The following DOCK9 variants were observed in gnomAD, a reference collection of about 807,000 sequenced individuals.
The protein encoded by DOCK9 is dedicator of cytokinesis 9.
A neutral mutation model predicts 263.3 loss-of-function variants in DOCK9; 89 were observed. That is an observed-to-expected ratio of 0.34 (90% CI 0.28 to 0.40). The LOEUF is 0.40. Ranked by LOEUF, DOCK9 falls within the 10% of genes least tolerant of loss-of-function variation. The pLI, the probability that DOCK9 is intolerant of heterozygous loss-of-function variation, is 1.00. For missense variants in DOCK9, 2,140 were observed against 2,603.4 expected (o/e 0.82, Z 3.87); for synonymous variants, 976 against 973.1 (o/e 1.00, Z -0.06).
intron 1 of DOCK9, among the ~76,000 whole-genome samples, chr13:99,027,969 G>A (rs1886946018): frequency 6.6e-6 from 1 of 152,206 alleles, no homozygotes. Context: ...ATGGAGTTCT[G>A]TCTCACACAA....
chr13:98,830,946 A>T (rs1012498538), intron 41 of DOCK9, among the ~76,000 whole-genome samples: 1 of 152,274 alleles, frequency 6.6e-6, no homozygotes, highest in African/African-American at 2.4e-5. Flanking sequence ...CTCTCAGAGC[A>T]GAGAATTTAG....
intron 1 of DOCK9, among the ~76,000 whole-genome samples, chr13:99,046,765 T>A (rs1191664733): frequency 6.6e-6 from 1 of 152,258 alleles, no homozygotes; most frequent in Non-Finnish European, 1.5e-5. Context: ...ATCTATCACT[T>A]ACTTTACTTT....
intron 2 of DOCK9, among the ~76,000 whole-genome samples, chr13:98,930,940 A>G (rs1419692949): frequency 6.6e-6 from 1 of 152,200 alleles, no homozygotes; most frequent in South Asian, 2.1e-4. Flanking sequence ...CACCATGCCC[A>G]GCCATTTTGA....
intron 43 of DOCK9, among the ~76,000 whole-genome samples, chr13:98,827,197 C>G (rs2092577290): frequency 6.6e-6 from 1 of 152,176 alleles, no homozygotes; most frequent in Non-Finnish European, 1.5e-5. Context: ...CCTAATACTT[C>G]TGCATCATTT....
At chr13:99,074,530 G>A (rs993568523) in intron 1 of DOCK9, among the ~76,000 whole-genome samples, 17 of 152,116 alleles carry the variant, frequency 1.1e-4, no homozygotes, top group African/African-American at 1.9e-4. Context: ...ACTTCGGGTC[G>A]CCCCACTCCG....
At position 98,925,830 on chromosome 13, in the gene DOCK9, T is replaced by G; in HGVS notation, c.416+7A>C. 1.3e-6 allele frequency: 2 copies of G among 1,549,852 alleles called. No homozygotes were observed. The highest frequency in any genetic ancestry group is 2.4e-5 in the South Asian group (2 of 83,302). On this transcript the variant is annotated splice_region_variant and intron_variant, in intron 4 of 52. Coordinates refer to ENST00000682017, the MANE Select transcript of DOCK9 (RefSeq NM_001366683.2). ...TTTTCCCTATGTGTATAATATAGCT[T>G]ACTCACTTCGGAAGCTGTCGAAACT...
intron 1 of DOCK9, among the ~76,000 whole-genome samples, chr13:99,061,865 T>C (rs1477994323): frequency 6.8e-6 from 1 of 147,886 alleles, no homozygotes; most frequent in Non-Finnish European, 1.5e-5. Context: ...TTTTTGTTTT[T>C]TGTTTTTGGT....
intron 1 of DOCK9, among the ~76,000 whole-genome samples, chr13:99,070,625 C>T (rs1052026479): frequency 6.6e-6 from 1 of 152,120 alleles, no homozygotes; most frequent in Non-Finnish European, 1.5e-5. Context: ...TGCAATTGCT[C>T]GCTTAAGTAC....
chr13:98,917,842 G>C (rs1322228205), intron 7 of DOCK9, among the ~76,000 whole-genome samples: 2 of 152,056 alleles, frequency 1.3e-5, no homozygotes, highest in Non-Finnish European at 2.9e-5. Context: ...CAGATGATCT[G>C]GCACCTTTGA....
chr13:98,817,451 CTTT>C (rs10683281), intron 45 of DOCK9, among the ~76,000 whole-genome samples: 1 of 97,632 alleles, frequency 1.0e-5, no homozygotes, highest in Non-Finnish European at 1.8e-5. Flanking sequence ...ATACACCCAG[CTTT>C]TTTTTTTTTT....
chr13:99,086,734 G>C (rs2042355729), upstream of DOCK9: 1 of 146,936 alleles, frequency 6.8e-6, no homozygotes, highest in African/African-American at 2.5e-5. Flanking sequence ...CCCGGACGGC[G>C]GAGGAGGGGC....
chr13:98,880,041 T>A, intron 26 of DOCK9, 72 bp from the exon 27 acceptor site: 2 of 1,190,522 alleles, frequency 1.7e-6, no homozygotes, highest in Non-Finnish European at 2.4e-6. Context: ...TCTCTCAGGC[T>A]GACAATATTA....
intron 1 of DOCK9, among the ~76,000 whole-genome samples, chr13:99,019,752 C>T (rs1885850441): frequency 1.3e-5 from 2 of 152,108 alleles, no homozygotes; most frequent in Admixed American, 6.6e-5. Context: ...AGATCCATCC[C>T]GTTTCTGTGG....
intron 3 of DOCK9, 124 bp from the exon 4 acceptor site, chr13:98,926,043 G>A (rs1273131900): frequency 1.1e-4 from 70 of 620,290 alleles, no homozygotes; most frequent in Non-Finnish European, 1.8e-4. Context: ...TCCCATCAAC[G>A]AGCTAATGCC....
In DOCK9 at chr13:99,031,115, G is replaced by T. The variant is rs979338512; in HGVS notation, c.129+55108C>A. On this transcript the variant is annotated intron_variant, in intron 1 of 32. Transcript: ENST00000427887. ...AAATATCTTACTTTCTGTAATTGATGTTTTTTTTAAAAAAAAGTATCCTTA... is the reference window on the plus strand; with the variant it reads ...AAATATCTTACTTTCTGTAATTGATTTTTTTTTTAAAAAAAAGTATCCTTA... Among the ~76,000 whole-genome samples, 7 of 133,484 alleles carry T rather than the reference G, an allele frequency of 5.2e-5. No individual in the cohort carries two copies. In the East Asian group the frequency reaches 7.1e-4, roughly 13 times the overall value. 87.6% of individuals were successfully genotyped at this position (133,484 alleles called of 152,430 possible). A position where few individuals can be genotyped will look rare whatever the true frequency, so the allele number is the denominator to read the frequency against.
At chr13:98,844,474 T>C (rs2093329512) in intron 38 of DOCK9, among the ~76,000 whole-genome samples, 2 of 152,174 alleles carry the variant, frequency 1.3e-5, no homozygotes, top group Admixed American at 6.5e-5. Flanking sequence ...AGTGATTTCA[T>C]GTCTCAGCCT....
At chr13:99,014,149 C>G (rs1240551136) in intron 1 of DOCK9, among the ~76,000 whole-genome samples, 1 of 152,176 alleles carries the variant, frequency 6.6e-6, no homozygotes, top group Non-Finnish European at 1.5e-5. Context: ...GTCAGGTTAA[C>G]CAAAGACAAG....
At chr13:98,931,451 AC>A in intron 2 of DOCK9, among the ~76,000 whole-genome samples, 1 of 152,138 alleles carries the variant, frequency 6.6e-6, no homozygotes, top group Admixed American at 6.5e-5. Context: ...GGCGCCTGCC[AC>A]CATGCCCAAC....
chr13:98,820,563 TC>T, intron 45 of DOCK9: 1 of 270,788 alleles, frequency 3.7e-6, no homozygotes, highest in Non-Finnish European at 7.3e-6. Flanking sequence ...AGGAGGCTGT[TC>T]CTGAAAGTAA....
Sources: gnomAD v4.1 joint callset for allele counts (sites outside exome capture counted in the v4.1 genomes callset) on GRCh38, gnomAD v4.1.1 for gene constraint, MANE v1.5 for transcripts, NCBI Gene and HGNC (gene_info 2026-07-23, HGNC 2026-07-21) for gene names.